The following STAC3 variants were observed in gnomAD, a reference collection of about 807,000 sequenced individuals.
The protein encoded by STAC3 is SH3 and cysteine rich domain 3, also known as SH3 and cysteine-rich domain-containing protein 3.
In STAC3, 30 loss-of-function variants were observed where a neutral mutation model predicts 48.5. The ratio of observed to expected loss-of-function variants is 0.62; its 90% CI spans 0.46 to 0.84. STAC3 has a LOEUF of 0.84. STAC3 is among the 40% of genes least tolerant of loss of function. The probability of loss-of-function intolerance (pLI) is 0.00; values close to 1 mark genes in which losing one functional copy is unlikely to be tolerated. For synonymous variants in STAC3, 144 were observed against 158.6 expected (o/e 0.91, Z 0.69); for missense variants, 419 against 462.6 (o/e 0.91, Z 0.86).
intron 2 of STAC3, 87 bp downstream of exon 2, chr12:57,249,484 A>T: frequency 6.4e-7 from 1 of 1,562,638 alleles, no homozygotes; most frequent in Non-Finnish European, 8.7e-7. Flanking sequence ...AATGAGTCAC[A>T]CACAAATGAG....
chr12:57,244,275 T>C (rs752161611), intron 10 of STAC3, 40 bp downstream of exon 10: 6 of 1,614,180 alleles, frequency 3.7e-6, no homozygotes, highest in African/African-American at 2.7e-5. Flanking sequence ...GGTTCTGGAC[T>C]CAACCCACAC....
intron 6 of STAC3, among the ~76,000 whole-genome samples, 191 bp from the exon 7 acceptor site, chr12:57,245,402 C>G (rs1329211561): frequency 6.0e-5 from 9 of 149,912 alleles, no homozygotes; most frequent in Non-Finnish European, 1.0e-4. Flanking sequence ...AGACGGGTCT[C>G]CCTCCGTCAC....
intron 2 of STAC3, 61 bp from the exon 3 acceptor site, chr12:57,249,369 G>T: frequency 6.5e-7 from 1 of 1,527,036 alleles, no homozygotes; most frequent in South Asian, 1.3e-5. Flanking sequence ...TCTAGAGTAG[G>T]GGGGCGCTAG....
At position 57,251,097 on chromosome 12, in the gene STAC3, A is replaced by G; in HGVS notation, c.-106T>C. The G allele has an allele frequency of 2.2e-6, 1 of 449,036 alleles. No homozygotes were observed. Among genetic ancestry groups the G allele is most frequent in the South Asian group, 1.6e-5 (1 of 64,086 alleles). The allele number at this position is 449,036 out of a possible 1,614,324, so 27.8% of individuals were successfully genotyped here. ...AACTGGTCCTCTTCCTTGGGGGCTAAGCCCCCCCAGTACCCCCTGTGTTCA... is the reference window on the plus strand; with the variant it reads ...AACTGGTCCTCTTCCTTGGGGGCTAGGCCCCCCCAGTACCCCCTGTGTTCA... On this transcript the variant is annotated 5_prime_UTR_variant, in exon 1 of 12. Transcript: ENST00000332782.
At chr12:57,246,009 T>C (rs1253429685) in intron 6 of STAC3, among the ~76,000 whole-genome samples, 1 of 148,620 alleles carries the variant, frequency 6.7e-6, no homozygotes, top group Non-Finnish European at 1.5e-5. Context: ...CTCGGGAGGC[T>C]GAGGCAGGAT....
chr12:57,244,054 TCA>T (rs754192714), intron 11 of STAC3, 32 bp downstream of exon 11: 9 of 1,613,730 alleles, frequency 5.6e-6, no homozygotes, highest in Non-Finnish European at 6.8e-6. Context: ...TAGGGAGCAT[TCA>T]GGCCTGGGAT....
chr12:57,246,952 C>A (rs1565781640), intron 5 of STAC3, 51 bp from the exon 6 acceptor site: 1 of 1,572,342 alleles, frequency 6.4e-7, no homozygotes, highest in African/African-American at 1.4e-5. Context: ...CAGAGAAAGG[C>A]TTGGAGGAAA....
At chr12:57,250,726 T>G (rs1276320374) in intron 1 of STAC3, among the ~76,000 whole-genome samples, 1 of 152,152 alleles carries the variant, frequency 6.6e-6, no homozygotes, top group Non-Finnish European at 1.5e-5. Flanking sequence ...TGCCTAGTTC[T>G]GTCCCAGCCT....
rs1188617879 is a variant in STAC3 at position 57,243,524 on chromosome 12, C to G, written c.*288G>C. Reference sequence around the variant, plus strand: ...GTTCGCCCTCCCTCGCCCCCGCCCCCCGCCCCAGTCCCTGGCTCCTCCTAG... The same window carrying G: ...GTTCGCCCTCCCTCGCCCCCGCCCCGCGCCCCAGTCCCTGGCTCCTCCTAG... On this transcript the variant is annotated 3_prime_UTR_variant, in exon 12 of 12. Coordinates refer to ENST00000332782, the MANE Select transcript of STAC3 (RefSeq NM_145064.3). 3.3e-6 allele frequency: 2 copies of G among 598,690 alleles called. No individual in the cohort carries two copies. The highest frequency in any genetic ancestry group is 1.9e-5 in the African/African-American group (1 of 53,216). The allele number at this position is 598,690 out of a possible 1,614,324, so 37.1% of individuals were successfully genotyped here.
At chr12:57,248,852 C>T (rs371035674) in intron 3 of STAC3, 49 bp from the exon 4 acceptor site, 2 of 1,558,418 alleles carry the variant, frequency 1.3e-6, no homozygotes, top group East Asian at 2.2e-5. Flanking sequence ...TTGCCCTTTC[C>T]CTTTGTACCA....
intron 6 of STAC3, among the ~76,000 whole-genome samples, chr12:57,245,789 T>C (rs1374103769): frequency 6.6e-6 from 1 of 151,876 alleles, no homozygotes; most frequent in African/African-American, 2.4e-5. Context: ...TGTCAGCCTT[T>C]AAAAATACTC....
At chr12:57,244,736 C>T in intron 8 of STAC3, 114 bp from the exon 9 acceptor site, 1 of 1,429,010 alleles carries the variant, frequency 7.0e-7, no homozygotes, top group Non-Finnish European at 9.8e-7. Flanking sequence ...TCTTCTAGGT[C>T]CCTGAACTGA....
chr12:57,244,543 T>G lies in STAC3; in HGVS notation c.800A>C (p.Asp267Ala). Reference protein sequence around the residue: ...RFKALEKDDLDFPPGEKITVI... With the variant: ...RFKALEKDDLAFPPGEKITVI... ...CTGCCCCAAGGCCTCTCACGGGAAA[T>G]CCAGATCGTCCTTCTCCAGGGCTTT... Residue 267 changes from aspartate (D) to alanine (A), a missense_variant, in exon 9 of 12, where the codon GAT (aspartate) becomes GCT (alanine). By Grantham distance (126) the Asp-to-Ala change is moderately radical (BLOSUM62 -2). Transcript: ENST00000332782. 6.2e-7 allele frequency: 1 copy of G among 1,614,186 alleles called. No individual in the cohort carries two copies. The highest frequency in any genetic ancestry group is 2.2e-5 in the East Asian group (1 of 44,880).
chr12:57,249,458 G>T, intron 2 of STAC3, 113 bp downstream of exon 2: 1 of 1,506,336 alleles, frequency 6.6e-7, no homozygotes. Flanking sequence ...GGGACTGCAG[G>T]TGCTGGCCAG....
chr12:57,249,905 A>ACTACCTGGCTACTTT (rs2136838263), intron 1 of STAC3, among the ~76,000 whole-genome samples: 1 of 152,234 alleles, frequency 6.6e-6, no homozygotes, highest in African/African-American at 2.4e-5. Flanking sequence ...CAAGGTGCAC[A>ACTACCTGGCTACTTT]CTACCTGGCT....
intron 5 of STAC3, among the ~76,000 whole-genome samples, chr12:57,247,526 C>T (rs897398383): frequency 6.7e-6 from 1 of 149,984 alleles, no homozygotes; most frequent in African/African-American, 2.5e-5. Context: ...CTCCGCCTCC[C>T]GGGTTCATGC....
In STAC3 at chr12:57,247,403, A is replaced by AATT. The variant is rs747575932; in HGVS notation, c.506-505_506-503dup. 1.1e-3 allele frequency among the ~76,000 whole-genome samples: 112 copies of AATT among 102,678 alleles called. 2 individuals are homozygous for AATT. Among genetic ancestry groups the AATT allele is most frequent in the African/African-American group, 3.6e-3 (97 of 26,940 alleles). The allele number at this position is 102,678 out of a possible 152,430, so 67.4% of individuals were successfully genotyped here. ...ATGAATATGTTTTTAAGGGTTGCCA[A>AATT]ATTATTATTATTATTATTATTATTA... On this transcript the variant is annotated intron_variant, in intron 5 of 11. Transcript: ENST00000332782.
At chr12:57,245,321 T>A in intron 6 of STAC3, 110 bp from the exon 7 acceptor site, 1 of 998,270 alleles carries the variant, frequency 1.0e-6, no homozygotes, top group Non-Finnish European at 1.5e-6. Context: ...GATCTCAGAG[T>A]TGGAAGAGGC....
rs1243974772 is a variant in STAC3, at chr12:57,248,748, G to A, written c.390C>T (p.His130=). Residue 130 remains histidine, a synonymous_variant, in exon 4 of 12, where the codon CAC becomes CAT. Coordinates refer to ENST00000332782, the MANE Select transcript of STAC3 (RefSeq NM_145064.3). ...TCTGCATTTCCACATAGGACTGACAGTGTTCATGGATGTTGGTTTTGCAGT... is the reference window on the plus strand; with the variant it reads ...TCTGCATTTCCACATAGGACTGACAATGTTCATGGATGTTGGTTTTGCAGT... ...CKNCKTNIHE[H]CQSYVEMQRC... The A allele has an allele frequency of 5.0e-6, 8 of 1,614,004 alleles. No individual in the cohort carries two copies. The highest frequency in any genetic ancestry group is 5.9e-6 in the Non-Finnish European group (7 of 1,180,002).
Sources: allele counts gnomAD v4.1 joint callset (sites outside exome capture counted in the v4.1 genomes callset), GRCh38; gene constraint gnomAD v4.1.1; transcripts MANE v1.5; gene names NCBI Gene and HGNC (gene_info 2026-07-23, HGNC 2026-07-21).